Variants in TTL observed in about 807,000 individuals in gnomAD.
TTL encodes the protein tubulin--tyrosine ligase.
TTL carries 10 observed loss-of-function variants against 41.1 expected under a neutral mutation model. The observed-to-expected ratio is 0.24, with a 90% confidence interval of 0.15 to 0.41. The LOEUF (loss-of-function observed/expected upper bound fraction) is 0.41, where lower values mean the gene tolerates loss of function less well. Among genes scored for constraint, TTL ranks in the 10% least tolerant of loss-of-function variants. The pLI is 1.00. For synonymous variants in TTL, 175 were observed against 175.5 expected (o/e 1.00, Z 0.02); for missense variants, 367 against 460.4 (o/e 0.80, Z 1.86).
rs528718238 is a variant in TTL, at chr2:112,539,757, C to G, written c.*10962C>G. 2.0e-5 allele frequency: 3 copies of G among 152,278 alleles called. No individual in the cohort carries two copies. The South Asian group carries it at 6.2e-4, about 32-fold the overall frequency. 9.4% of individuals were successfully genotyped at this position (152,278 alleles called of 1,614,324 possible). On this transcript the variant is annotated 3_prime_UTR_variant, in exon 7 of 7. Transcript: ENST00000233336. Reference sequence around the variant, plus strand: ...TATGATGATCTCTCTTTGCAGACGACAAGATACCATATAGAAAAAGTCCTA... The same window carrying G: ...TATGATGATCTCTCTTTGCAGACGAGAAGATACCATATAGAAAAAGTCCTA...
Position 112,540,835 on chromosome 2 carries a change from A to T in TTL, c.*12040A>T, listed in dbSNP as rs1356292631. ...TCACACCATATACAAAAATTAGCTC[A>T]GAATGAGTCAAAGACTTAAATGTAA... On this transcript the variant is annotated 3_prime_UTR_variant, in exon 7 of 7. Coordinates refer to ENST00000233336, the MANE Select transcript of TTL (RefSeq NM_153712.5). The T allele has an allele frequency of 6.6e-6, 1 of 152,272 alleles. No individual in the cohort carries two copies. Among genetic ancestry groups the T allele is most frequent in the African/African-American group, 2.4e-5 (1 of 41,476 alleles). 9.4% of individuals were successfully genotyped at this position (152,272 alleles called of 1,614,324 possible). A position where few individuals can be genotyped will look rare whatever the true frequency, so the allele number is the denominator to read the frequency against.
At chr2:112,490,210 G>A (rs930519736) in intron 2 of TTL, among the ~76,000 whole-genome samples, 6 of 152,160 alleles carry the variant, frequency 3.9e-5, no homozygotes, top group Non-Finnish European at 8.8e-5. Context: ...GAGGTCAGGA[G>A]TTCGAGACCA....
chr2:112,502,914 G>A lies in TTL; in HGVS notation c.608G>A (p.Ser203Asn). Residue 203 changes from serine (S) to asparagine (N), a missense_variant and splice_region_variant, in exon 5 of 7, where the codon AGC (serine) becomes AAC (asparagine). By Grantham distance (46) the Ser-to-Asn change is conservative (BLOSUM62 1). Transcript: ENST00000233336. ...EPGHRKFDIR[S>N]WVLVDHQYNI... The stretch of plus-strand genomic sequence containing the variant: ...GCAGTGTTTTTGTTGAATTGCAGAA[G>A]CTGGGTCTTGGTGGATCATCAGTAT... 1.2e-6 allele frequency: 2 copies of A among 1,600,860 alleles called. No individual in the cohort carries two copies. Among genetic ancestry groups the A allele is most frequent in the Non-Finnish European group, 1.7e-6 (2 of 1,172,130 alleles).
At chr2:112,513,646 C>A (rs970195115) in intron 5 of TTL, among the ~76,000 whole-genome samples, 5 of 146,394 alleles carry the variant, frequency 3.4e-5, no homozygotes, top group African/African-American at 1.3e-4. Flanking sequence ...AATATTTATA[C>A]AAGTATAAAT....
At chr2:112,485,255 C>G (rs1223105111) in intron 1 of TTL, among the ~76,000 whole-genome samples, 1 of 152,172 alleles carries the variant, frequency 6.6e-6, no homozygotes, top group African/African-American at 2.4e-5. Context: ...TGGCTGAAAA[C>G]ACTTTTTATT....
At position 112,533,320 on chromosome 2, in the gene TTL, C is replaced by T. The variant is rs368777215; in HGVS notation, c.*4525C>T. On this transcript the variant is annotated 3_prime_UTR_variant, in exon 7 of 7. Transcript: ENST00000233336. ...AAGCAGACATGGATCCAGGCAGGCA[C>T]CTACTTAGGACCCTGAGAGTGGACA... 6.6e-6 allele frequency: 1 copy of T among 152,446 alleles called. No individual in the cohort carries two copies. Among genetic ancestry groups the T allele is most frequent in the African/African-American group, 2.4e-5 (1 of 41,446 alleles). 9.4% of individuals were successfully genotyped at this position (152,446 alleles called of 1,614,324 possible).
At chr2:112,491,706 T>C (rs1417771851) in intron 2 of TTL, among the ~76,000 whole-genome samples, 1 of 152,188 alleles carries the variant, frequency 6.6e-6, no homozygotes, top group Non-Finnish European at 1.5e-5. Context: ...AGCCACTAGT[T>C]TCATTAATTT....
In TTL at chr2:112,534,810, CCA is replaced by C. The variant is rs1040830903; in HGVS notation, c.*6022_*6023del. On this transcript the variant is annotated 3_prime_UTR_variant, in exon 7 of 7. Transcript: ENST00000233336. The stretch of plus-strand genomic sequence containing the variant: ...AACCTATTCCTAAGAATGCAGAAGG[CCA>C]CACACATGTGTAGGACTGTGCACAT... The C allele has an allele frequency of 3.3e-5, 5 of 152,140 alleles. No individual in the cohort carries two copies. Among genetic ancestry groups the C allele is most frequent in the African/African-American group, 1.2e-4 (5 of 41,416 alleles). 9.4% of individuals were successfully genotyped at this position (152,140 alleles called of 1,614,324 possible).
rs1682450220 is a variant in TTL at position 112,529,368 on chromosome 2, G to T, written c.*573G>T. On this transcript the variant is annotated 3_prime_UTR_variant, in exon 7 of 7. Coordinates refer to ENST00000233336, the MANE Select transcript of TTL (RefSeq NM_153712.5). ...GGTGTTTGGTCAGTCACCTGTCAGG[G>T]TTTGTGCGGGTTGGGCCCCAAAACA... is the stretch of plus-strand genomic sequence containing the variant. 4 of 230,372 alleles carry T rather than the reference G, an allele frequency of 1.7e-5. No homozygotes were observed. Among genetic ancestry groups the T allele is most frequent in the African/African-American group, 6.7e-5 (3 of 45,104 alleles). The allele number at this position is 230,372 out of a possible 1,614,324, so 14.3% of individuals were successfully genotyped here.
chr2:112,536,531 CTTTT>C lies in TTL; in HGVS notation c.*7741_*7744del, dbSNP rs1407798165. On this transcript the variant is annotated 3_prime_UTR_variant, in exon 7 of 7. Transcript: ENST00000233336. ...AATTGTTTCTATAGACAAAGAAGGA[CTTTT>C]TTTTAATAGTTCCAACTTTTATTTT... is the stretch of plus-strand genomic sequence containing the variant. 2 of 152,000 alleles carry C rather than the reference CTTTT, an allele frequency of 1.3e-5. No individual in the cohort carries two copies. Among genetic ancestry groups the C allele is most frequent in the African/African-American group, 2.4e-5 (1 of 41,390 alleles). 9.4% of individuals were successfully genotyped at this position (152,000 alleles called of 1,614,324 possible). A position where few individuals can be genotyped will look rare whatever the true frequency, so the allele number is the denominator to read the frequency against.
intron 6 of TTL, among the ~76,000 whole-genome samples, chr2:112,523,532 C>T (rs192674847): frequency 6.7e-6 from 1 of 149,432 alleles, no homozygotes; most frequent in African/African-American, 2.6e-5. Flanking sequence ...GGAGTCTTCC[C>T]GTGTCACTGG....
At chr2:112,509,677 G>A (rs1009224749) in intron 5 of TTL, among the ~76,000 whole-genome samples, 18 of 152,282 alleles carry the variant, frequency 1.2e-4, no homozygotes, top group Non-Finnish European at 1.9e-4. Flanking sequence ...TTCGGCTCGC[G>A]CACGGTGCGC....
chr2:112,482,808 C>G lies in TTL; in HGVS notation c.157+307C>G, dbSNP rs1681128423. Among the ~76,000 whole-genome samples the G allele has an allele frequency of 6.6e-6, 1 of 152,214 alleles. No homozygotes were observed. The highest frequency in any genetic ancestry group is 6.5e-5 in the Admixed American group (1 of 15,284). ...CGGGGCTGGGACCTGAGGCGCGAGT[C>G]TAGCGGCTCCCCCGGGCCGAAGCCC... On this transcript the variant is annotated intron_variant, in intron 1 of 6. Transcript: ENST00000233336. This position sits in a 1 kb window ranked among gnomAD's most constrained non-coding sequence, Gnocchi z 5.3.
At chr2:112,493,452 C>T (rs926965186) in intron 2 of TTL, among the ~76,000 whole-genome samples, 2 of 152,086 alleles carry the variant, frequency 1.3e-5, no homozygotes, top group Admixed American at 1.3e-4. Context: ...TGACCCAGTT[C>T]CTAATTTGTG....
At chr2:112,523,344 G>GTC (rs1682292195) in intron 6 of TTL, among the ~76,000 whole-genome samples, 1 of 56,508 alleles carries the variant, frequency 1.8e-5, no homozygotes, top group Non-Finnish European at 3.7e-5. Context: ...GTGGGTGTGT[G>GTC]TGTGTCTGTG....
intron 5 of TTL, among the ~76,000 whole-genome samples, chr2:112,513,123 A>G (rs1176237127): frequency 2.6e-5 from 4 of 152,064 alleles, no homozygotes; most frequent in Non-Finnish European, 4.4e-5. Flanking sequence ...ATAAGTATAT[A>G]TCTACACATT....
intron 3 of TTL, among the ~76,000 whole-genome samples, chr2:112,495,894 A>G (rs980412745): frequency 2.0e-5 from 3 of 152,144 alleles, no homozygotes; most frequent in African/African-American, 4.8e-5. Context: ...ATTGCCTTGG[A>G]AGACATCTAG....
intron 6 of TTL, among the ~76,000 whole-genome samples, chr2:112,524,092 G>A (rs2104476764): frequency 6.6e-6 from 1 of 152,212 alleles, no homozygotes; most frequent in East Asian, 1.9e-4. Flanking sequence ...ATGGTTTCCA[G>A]CTTCATCCAT....
At chr2:112,515,943 T>G (rs904851435) in intron 5 of TTL, among the ~76,000 whole-genome samples, 2 of 142,278 alleles carry the variant, frequency 1.4e-5, no homozygotes, top group Non-Finnish European at 3.0e-5. Flanking sequence ...CGAGACTCCA[T>G]CTCAGAATAA....
Sources: allele counts gnomAD v4.1 joint callset (sites outside exome capture counted in the v4.1 genomes callset), GRCh38; gene constraint gnomAD v4.1.1; non-coding constraint Gnocchi (gnomAD v3.1); transcripts MANE v1.5; gene names NCBI Gene and HGNC (gene_info 2026-07-23, HGNC 2026-07-21).